ADGRA3: variants seen among roughly 807,000 people sequenced by gnomAD.
The protein encoded by ADGRA3 is adhesion G protein-coupled receptor A3.
ADGRA3 carries 56 observed loss-of-function variants against 119.8 expected under a neutral mutation model. The ratio of observed to expected loss-of-function variants is 0.47; its 90% CI spans 0.38 to 0.58. ADGRA3 has a LOEUF of 0.58. ADGRA3 is among the 20% of genes least tolerant of loss of function. The pLI is 0.00. For synonymous variants in ADGRA3, 607 were observed against 623.8 expected, an observed-to-expected ratio of 0.97 and a Z score of 0.40; for missense variants, 1,516 against 1,649.0, an observed-to-expected ratio of 0.92 and a Z score of 1.40.
chr4:22,449,895 A>T (rs1449622373), intron 4 of ADGRA3, among the ~76,000 whole-genome samples: 1 of 152,096 alleles, frequency 6.6e-6, no homozygotes, highest in Non-Finnish European at 1.5e-5. Flanking sequence ...CTAGGTTCTA[A>T]TATGCATATT....
intron 10 of ADGRA3, among the ~76,000 whole-genome samples, chr4:22,434,537 T>C (rs1716317053): frequency 6.6e-6 from 1 of 152,196 alleles, no homozygotes; most frequent in Admixed American, 6.5e-5. Flanking sequence ...AGTTTACAAC[T>C]TGCTTGAGGT....
At chr4:22,503,451 G>C (rs952404008) in intron 1 of ADGRA3, among the ~76,000 whole-genome samples, 9 of 152,162 alleles carry the variant, frequency 5.9e-5, no homozygotes, top group African/African-American at 2.2e-4. Flanking sequence ...CAGGCTTAAA[G>C]AAAGAACATT....
rs377761149 is a variant in ADGRA3, at chr4:22,438,232, C to T, written c.1085+24G>A. The T allele has an allele frequency of 6.3e-6, 10 of 1,595,492 alleles. No homozygotes were observed. In the African/African-American group the frequency reaches 1.1e-4, roughly 17 times the overall value. On this transcript the variant is annotated intron_variant, in intron 8 of 18. Transcript: ENST00000334304. ...AGGATCTGGGACAAATTAAACTTTTCCCCGTATTTTCCACAACACTGACCT... is the reference window on the plus strand; with the variant it reads ...AGGATCTGGGACAAATTAAACTTTTTCCCGTATTTTCCACAACACTGACCT...
At chr4:22,443,005 C>G in intron 6 of ADGRA3, 142 bp from the exon 7 acceptor site, 1 of 704,808 alleles carries the variant, frequency 1.4e-6, no homozygotes, top group South Asian at 1.7e-5. Context: ...CTAGTATCAA[C>G]CAGGCTGCTA....
At chr4:22,406,048 G>A (rs900027542) in intron 14 of ADGRA3, among the ~76,000 whole-genome samples, 10 of 152,006 alleles carry the variant, frequency 6.6e-5, no homozygotes, top group African/African-American at 2.2e-4. Context: ...TCCCACATAT[G>A]AGTGAAAACA....
At chr4:22,509,366 G>A (rs966936165) in intron 1 of ADGRA3, among the ~76,000 whole-genome samples, 1 of 151,982 alleles carries the variant, frequency 6.6e-6, no homozygotes, top group Admixed American at 6.6e-5. Context: ...AGCTGGGCGT[G>A]GTGGCGTGCA....
chr4:22,504,791 C>T (rs747510056), intron 1 of ADGRA3, among the ~76,000 whole-genome samples: 1 of 151,928 alleles, frequency 6.6e-6, no homozygotes, highest in Non-Finnish European at 1.5e-5. Flanking sequence ...CCCTTCAGGT[C>T]GCTGGGCTAC....
chr4:22,399,387 C>T (rs1364087983), intron 16 of ADGRA3, among the ~76,000 whole-genome samples: 1 of 151,776 alleles, frequency 6.6e-6, no homozygotes, highest in African/African-American at 2.4e-5. Context: ...CTAGTGGATG[C>T]CTTTCACTGT....
At chr4:22,397,483 C>T (rs904455547) in intron 16 of ADGRA3, among the ~76,000 whole-genome samples, 4 of 152,016 alleles carry the variant, frequency 2.6e-5, no homozygotes, top group Non-Finnish European at 4.4e-5. Flanking sequence ...AGCTTGGAGT[C>T]CAGGGAGAGC....
chr4:22,455,065 T>C (rs1717192654), intron 3 of ADGRA3, 128 bp from the exon 4 acceptor site: 1 of 668,628 alleles, frequency 1.5e-6, no homozygotes, highest in South Asian at 1.7e-5. Flanking sequence ...TTGAGATATT[T>C]ACTGTACGCA....
At chr4:22,393,454 T>A (rs1436993203) in intron 16 of ADGRA3, 1 of 152,174 alleles carries the variant, frequency 6.6e-6, no homozygotes, top group Non-Finnish European at 1.5e-5. Context: ...GATTCAGAGC[T>A]TTTATACACT....
intron 16 of ADGRA3, among the ~76,000 whole-genome samples, chr4:22,398,449 G>A (rs373953743): frequency 2.6e-5 from 4 of 151,964 alleles, no homozygotes; most frequent in Admixed American, 6.6e-5. Flanking sequence ...AAGACACAAG[G>A]TAGGACCTTG....
rs1715640081 is a variant in ADGRA3 at position 22,420,898 on chromosome 4, A to G, written c.1797T>C (p.Ser599=). 1 of 1,613,704 alleles carries G rather than the reference A, an allele frequency of 6.2e-7. No individual in the cohort carries two copies. The highest frequency in any genetic ancestry group is 1.7e-5 in the Admixed American group (1 of 59,986). The change falls in exon 12 of 19, where the codon AGT becomes AGC. Residue 599 remains serine, a synonymous_variant. Transcript: ENST00000334304. ...FKCNVSNTFS[S]LALKNTIVEA... ...GAATGTAACATACCTTTAGTGCCAG[A>G]CTCGAAAATGTATTTGAAACATTGC...
chr4:22,502,325 T>C (rs1719075589), intron 1 of ADGRA3, among the ~76,000 whole-genome samples: 1 of 152,162 alleles, frequency 6.6e-6, no homozygotes, highest in Non-Finnish European at 1.5e-5. Context: ...TGGTCTAATC[T>C]AGGCAGACTT....
chr4:22,480,999 T>C (rs1718242798), intron 1 of ADGRA3, among the ~76,000 whole-genome samples: 1 of 152,110 alleles, frequency 6.6e-6, no homozygotes, highest in African/African-American at 2.4e-5. Flanking sequence ...ATGATCTGGC[T>C]ACTGCACTCC....
chr4:22,456,863 T>C (rs906809178), intron 3 of ADGRA3, among the ~76,000 whole-genome samples: 2 of 152,214 alleles, frequency 1.3e-5, no homozygotes, highest in African/African-American at 4.8e-5. Context: ...TCTTAAGCAA[T>C]ATAAGTCTTT....
intron 12 of ADGRA3, chr4:22,420,135 A>G (rs1382379229): frequency 6.6e-6 from 1 of 152,392 alleles, no homozygotes. Context: ...AATGACTGGA[A>G]TATTGTTTGT....
At chr4:22,412,050 A>G (rs2109021769) in intron 14 of ADGRA3, among the ~76,000 whole-genome samples, 1 of 152,290 alleles carries the variant, frequency 6.6e-6, no homozygotes, top group South Asian at 2.1e-4. Flanking sequence ...TTTTTTAAGA[A>G]AAGAAAAATT....
chr4:22,479,687 A>G (rs1718186411), intron 1 of ADGRA3, among the ~76,000 whole-genome samples: 1 of 152,178 alleles, frequency 6.6e-6, no homozygotes, highest in South Asian at 2.1e-4. Flanking sequence ...CTATAGAGAC[A>G]CATGCACACG....
Sources: allele counts gnomAD v4.1 joint callset (sites outside exome capture counted in the v4.1 genomes callset), GRCh38; gene constraint gnomAD v4.1.1; transcripts MANE v1.5; gene names NCBI Gene and HGNC (gene_info 2026-07-23, HGNC 2026-07-21).